The following RAP1A variants were observed in gnomAD, a reference collection of about 807,000 sequenced individuals.
RAP1A encodes the protein ras-related protein Rap-1A.
Under a neutral mutation model 26.4 loss-of-function variants are expected in RAP1A, and 6 were observed. The observed-to-expected ratio is 0.23, with a 90% confidence interval of 0.12 to 0.45. RAP1A has a LOEUF of 0.45. RAP1A is among the 20% of genes least tolerant of loss of function. The probability of loss-of-function intolerance (pLI) is 0.99; values close to 1 mark genes in which losing one functional copy is unlikely to be tolerated. For missense variants in RAP1A, 121 were observed against 217.2 expected, an observed-to-expected ratio of 0.56 and a Z score of 2.78; for synonymous variants, 73 against 79.4, an observed-to-expected ratio of 0.92 and a Z score of 0.43.
chr1:111,704,191 C>T (rs1051362631), intron 5 of RAP1A, 152 bp from the exon 6 acceptor site: 34 of 559,424 alleles, frequency 6.1e-5, no homozygotes, highest in Non-Finnish European at 9.2e-5. Context: ...TTCGCCTCTT[C>T]CCCTCAACAT....
At chr1:111,690,210 T>A (rs1661626732) in intron 1 of RAP1A, among the ~76,000 whole-genome samples, 1 of 152,226 alleles carries the variant, frequency 6.6e-6, no homozygotes, top group South Asian at 2.1e-4. Context: ...CTTATTTAGC[T>A]TTGCTACTAA....
Position 111,715,802 on chromosome 1 carries a change from TAGA to T in RAP1A, c.*3406_*3408del, listed in dbSNP as rs1031039505. ...AACAGGCTTGGAACATTTTTCTCCA[TAGA>T]AGAATAGTAATAAGACATTCTACAT... On this transcript the variant is annotated 3_prime_UTR_variant, in exon 8 of 8. Transcript: ENST00000369709. 3 of 152,246 alleles carry T rather than the reference TAGA, an allele frequency of 2.0e-5. No individual in the cohort carries two copies. Among genetic ancestry groups the T allele is most frequent in the African/African-American group, 7.2e-5 (3 of 41,464 alleles). 9.4% of individuals were successfully genotyped at this position (152,246 alleles called of 1,614,324 possible). A position where few individuals can be genotyped will look rare whatever the true frequency, so the allele number is the denominator to read the frequency against.
chr1:111,711,618 A>G (rs12753097), intron 7 of RAP1A, among the ~76,000 whole-genome samples: 11,157 of 152,274 alleles, frequency 0.073, 477 homozygotes, highest in African/African-American at 0.13. Flanking sequence ...TAGCAATCAG[A>G]CTGCTTTGCA....
Position 111,646,432 on chromosome 1 carries a change from A to AC in RAP1A, c.-28+26498_-28+26499insC, listed in dbSNP as rs1489070351. On this transcript the variant is annotated intron_variant, in intron 1 of 7. Transcript: ENST00000369709. ...GTTTTCCTTTTTGTAAAAAAAAAAA[A>AC]AACAAAACAAAACCTCAATTCCCAA... 9.6e-3 allele frequency among the ~76,000 whole-genome samples: 1,305 copies of AC among 135,776 alleles called. 29 individuals carry two copies. Among genetic ancestry groups the AC allele is most frequent in the African/African-American group, 0.04 (1,249 of 31,088 alleles). 89.1% of individuals were successfully genotyped at this position (135,776 alleles called of 152,430 possible).
At chr1:111,613,169 G>A (rs1385551149) in intron 1 of RAP1A, among the ~76,000 whole-genome samples, 1 of 148,780 alleles carries the variant, frequency 6.7e-6, no homozygotes, top group Non-Finnish European at 1.5e-5. Flanking sequence ...TTTTTTTTAA[G>A]TTTTAAATCT....
chr1:111,548,305 G>C (rs1006496320), intron 1 of RAP1A, among the ~76,000 whole-genome samples: 3 of 152,216 alleles, frequency 2.0e-5, no homozygotes, highest in Non-Finnish European at 2.9e-5. Flanking sequence ...ACAAGCGTGA[G>C]CCACTGCACC....
At chr1:111,667,496 C>T (rs565737876) in intron 1 of RAP1A, among the ~76,000 whole-genome samples, 1 of 152,144 alleles carries the variant, frequency 6.6e-6, no homozygotes, top group East Asian at 1.9e-4. Flanking sequence ...ACCAGCCTGG[C>T]TAACATGGCG....
At chr1:111,683,878 A>G (rs915537174) in intron 1 of RAP1A, among the ~76,000 whole-genome samples, 2 of 152,356 alleles carry the variant, frequency 1.3e-5, no homozygotes, top group South Asian at 2.1e-4. Flanking sequence ...TTTCAGGCCA[A>G]TATCCCTGAT....
chr1:111,650,303 A>G (rs1268369854), intron 1 of RAP1A: 1 of 152,042 alleles, frequency 6.6e-6, no homozygotes, highest in Non-Finnish European at 1.5e-5. Context: ...TATATCAAAG[A>G]GTTTCTATGC....
upstream of RAP1A, among the ~76,000 whole-genome samples, chr1:111,617,926 C>G (rs1421627178): frequency 6.6e-6 from 1 of 151,722 alleles, no homozygotes; most frequent in Non-Finnish European, 1.5e-5. Context: ...GACTGTAATC[C>G]CAGCTGCTTT....
chr1:111,639,219 CTTATACCTTCAGAGTTATACA>C (rs1659817778), intron 1 of RAP1A, among the ~76,000 whole-genome samples: 1 of 152,064 alleles, frequency 6.6e-6, no homozygotes, highest in Non-Finnish European at 1.5e-5. Context: ...TAGTTCTCTA[CTTATACCTTCAGAGTTATACA>C]TAGATTTTCC....
chr1:111,661,161 T>C (rs1211104510), intron 1 of RAP1A, among the ~76,000 whole-genome samples: 1 of 152,184 alleles, frequency 6.6e-6, no homozygotes, highest in Non-Finnish European at 1.5e-5. Flanking sequence ...GACCCAACTG[T>C]GCAGACCCTT....
chr1:111,663,133 T>G (rs1221638160), intron 1 of RAP1A, among the ~76,000 whole-genome samples: 1 of 152,092 alleles, frequency 6.6e-6, no homozygotes, highest in Non-Finnish European at 1.5e-5. Context: ...AGGATGGTCT[T>G]GATCTCCTGA....
At chr1:111,610,533 AACACACACACACACACACACACACACAC>A (rs71099922) in intron 1 of RAP1A, among the ~76,000 whole-genome samples, 1 of 141,794 alleles carries the variant, frequency 7.1e-6, no homozygotes, top group Non-Finnish European at 1.5e-5. Flanking sequence ...CCCTCCACCC[AACACACACACACACACACACACACACAC>A]ACACACACAC....
At chr1:111,662,944 C>G (rs1660686167) in intron 1 of RAP1A, among the ~76,000 whole-genome samples, 1 of 152,192 alleles carries the variant, frequency 6.6e-6, no homozygotes, top group African/African-American at 2.4e-5. Flanking sequence ...TTGACACAGT[C>G]TTGCTCTGTC....
intron 1 of RAP1A, among the ~76,000 whole-genome samples, chr1:111,655,739 T>C (rs889039702): frequency 2.1e-5 from 3 of 140,640 alleles, no homozygotes; most frequent in African/African-American, 8.1e-5. Flanking sequence ...GCAATCTCAC[T>C]GCTTGCTCAC....
At chr1:111,564,470 A>G (rs1441577686) in intron 1 of RAP1A, among the ~76,000 whole-genome samples, 1 of 149,810 alleles carries the variant, frequency 6.7e-6, no homozygotes, top group Non-Finnish European at 1.5e-5. Flanking sequence ...TGATGGCACC[A>G]CCACTGCACT....
At chr1:111,549,491 A>C (rs1471935588) in intron 1 of RAP1A, among the ~76,000 whole-genome samples, 1 of 151,866 alleles carries the variant, frequency 6.6e-6, no homozygotes, top group East Asian at 1.9e-4. Context: ...TCCACTAAAA[A>C]ATACAAAAAT....
At chr1:111,708,878 T>C (rs1299257780) in intron 6 of RAP1A, among the ~76,000 whole-genome samples, 2 of 152,312 alleles carry the variant, frequency 1.3e-5, no homozygotes, top group East Asian at 3.8e-4. Flanking sequence ...ACTTTTCCGT[T>C]GGTTTGGAGT....
Sources: allele counts gnomAD v4.1 joint callset (sites outside exome capture counted in the v4.1 genomes callset), GRCh38; gene constraint gnomAD v4.1.1; transcripts MANE v1.5; gene names NCBI Gene and HGNC (gene_info 2026-07-23, HGNC 2026-07-21).